MYH14: variants seen among roughly 807,000 people sequenced by gnomAD.
MYH14 encodes the protein myosin heavy chain 14, also known as myosin-14.
MYH14 carries 123 observed loss-of-function variants against 255.5 expected under a neutral mutation model. The observed-to-expected ratio is 0.48, with a 90% CI of 0.42 to 0.56. The LOEUF is 0.56. Among genes scored for constraint, MYH14 ranks in the 20% least tolerant of loss-of-function variants. The probability of loss-of-function intolerance (pLI) is 0.00; values close to 1 mark genes in which losing one functional copy is unlikely to be tolerated. For synonymous variants in MYH14, 1,095 were observed against 1,161.2 expected, an observed-to-expected ratio of 0.94 and a Z score of 1.16; for missense variants, 2,423 against 2,802.3, an observed-to-expected ratio of 0.86 and a Z score of 3.06.
intron 40 of MYH14, among the ~76,000 whole-genome samples, chr19:50,302,834 G>A (rs576715887): frequency 1.7e-4 from 26 of 152,124 alleles, no homozygotes; most frequent in East Asian, 5.8e-4. Context: ...CCCAGGAGGC[G>A]GAGGTTGTGG....
chr19:50,277,293 C>T (rs968678379), intron 29 of MYH14, among the ~76,000 whole-genome samples: 1 of 152,076 alleles, frequency 6.6e-6, no homozygotes, highest in Admixed American at 6.6e-5. Context: ...TGGAGGTATT[C>T]TGCGAGAAGG....
At chr19:50,257,584 C>A in intron 18 of MYH14, 98 bp downstream of exon 18, 1 of 1,240,074 alleles carries the variant, frequency 8.1e-7, no homozygotes, top group Non-Finnish European at 1.2e-6. Context: ...CGAGGACCCT[C>A]AAATTAGCTG....
At chr19:50,302,595 A>G (rs981090340) in intron 40 of MYH14, among the ~76,000 whole-genome samples, 3 of 148,522 alleles carry the variant, frequency 2.0e-5, no homozygotes, top group Admixed American at 6.8e-5. Flanking sequence ...AAAAAAAAAG[A>G]AAGAAAAAAA....
chr19:50,291,005 G>C lies in MYH14; in HGVS notation c.5084G>C (p.Gly1695Ala). The C allele has an allele frequency of 6.2e-7, 1 of 1,612,464 alleles. No homozygotes were observed. Among genetic ancestry groups the C allele is most frequent in the African/African-American group, 1.3e-5 (1 of 75,054 alleles). Residue 1695 changes from glycine to alanine, a missense_variant, in exon 36 of 43, where the codon GGC (glycine) becomes GCC (alanine). By Grantham distance (60) the Gly-to-Ala change is moderately conservative (BLOSUM62 0). Coordinates refer to ENST00000642316, the MANE Select transcript of MYH14 (RefSeq NM_001145809.2). ...CTGAAGGCTCAGATGGCCTCTGCCG[G>C]CCAGGGCAAGGAGGAGGCGGTGAAG... ...EELKAQMASA[G>A]QGKEEAVKQL...
intron 16 of MYH14, among the ~76,000 whole-genome samples, chr19:50,253,050 T>A (rs531782379): frequency 1.3e-5 from 2 of 152,346 alleles, no homozygotes; most frequent in African/African-American, 4.8e-5. Flanking sequence ...ATCGTTTTTT[T>A]AGCAATACTA....
chr19:50,289,365 C>A, intron 34 of MYH14, 71 bp from the exon 35 acceptor site: 2 of 1,269,946 alleles, frequency 1.6e-6, no homozygotes, highest in Non-Finnish European at 1.1e-6. Flanking sequence ...AAATCTTCCC[C>A]TACTCTAGCT....
At position 50,232,009 on chromosome 19, in the gene MYH14, A is replaced by G. The variant is rs1302462210; in HGVS notation, c.1053A>G (p.Glu351=). 2 of 1,613,746 alleles carry G rather than the reference A, an allele frequency of 1.2e-6. No individual in the cohort carries two copies. The highest frequency in any genetic ancestry group is 3.3e-4 in the Middle Eastern group (2 of 6,062). Residue 351 remains glutamate (E), a synonymous_variant, in exon 10 of 43, where the codon GAA becomes GAG. Transcript: ENST00000642316. ...CATCCTCTCCCGGCCAGGAGCGGGAACTCTTCCAGGAGACGCTGGAGTCGC... is the reference window on the plus strand; with the variant it reads ...CATCCTCTCCCGGCCAGGAGCGGGAGCTCTTCCAGGAGACGCTGGAGTCGC... ...GPSSSPGQER[E]LFQETLESLR...
intron 40 of MYH14, among the ~76,000 whole-genome samples, chr19:50,303,022 C>A (rs1196290515): frequency 6.6e-6 from 1 of 152,196 alleles, no homozygotes; most frequent in Non-Finnish European, 1.5e-5. Context: ...CAAGTAACTG[C>A]AGTCTCACTA....
At chr19:50,303,135 A>G (rs2161377) in intron 40 of MYH14, among the ~76,000 whole-genome samples, 79,824 of 151,988 alleles carry the variant, frequency 0.53, 21,269 homozygotes, top group Admixed American at 0.58. Context: ...ATTGCTTATG[A>G]GTCTTTGGCT....
intron 10 of MYH14, among the ~76,000 whole-genome samples, chr19:50,234,311 T>A (rs1422345317): frequency 6.6e-6 from 1 of 152,194 alleles, no homozygotes; most frequent in East Asian, 1.9e-4. Context: ...CTGCGTAATG[T>A]TTCATTGTTT....
chr19:50,298,053 G>T (rs1266313521), intron 39 of MYH14, among the ~76,000 whole-genome samples: 1 of 152,140 alleles, frequency 6.6e-6, no homozygotes, highest in African/African-American at 2.4e-5. Flanking sequence ...CACATGTTCA[G>T]CTTCCAGAAG....
At position 50,268,160 on chromosome 19, in the gene MYH14, G is replaced by T. The variant is rs1186035307; in HGVS notation, c.2827-1G>T. On this transcript the variant is annotated splice_acceptor_variant, in intron 23 of 42. Transcript: ENST00000642316. LOFTEE classifies it high-confidence loss of function. ...CCACTAACCTCCCACACACTCCCCA[G>T]CTGGAAGAGGAGCGCGCCCGCCTGG... 1 of 1,543,316 alleles carries T rather than the reference G, an allele frequency of 6.5e-7. No individual in the cohort carries two copies.
intron 8 of MYH14, 36 bp downstream of exon 8, chr19:50,227,002 G>T (rs778740501): frequency 6.2e-7 from 1 of 1,607,866 alleles, no homozygotes; most frequent in Non-Finnish European, 8.5e-7. Flanking sequence ...GGCAGCCAAG[G>T]GGGGCAGCCT....
intron 21 of MYH14, among the ~76,000 whole-genome samples, chr19:50,262,463 G>T (rs1327434046): frequency 6.6e-6 from 1 of 151,836 alleles, no homozygotes; most frequent in African/African-American, 2.4e-5. Context: ...GCTTGAACTC[G>T]GGAAGCAGAG....
chr19:50,279,446 C>T (rs916132559), intron 30 of MYH14, among the ~76,000 whole-genome samples: 6 of 152,126 alleles, frequency 3.9e-5, no homozygotes, highest in Admixed American at 3.3e-4. Context: ...GCTGCCTGAC[C>T]AACATGGTGA....
chr19:50,309,788 T>C lies in MYH14; in HGVS notation c.6109T>C (p.Ter2037ArgextTer59). The C allele has an allele frequency of 6.9e-7, 1 of 1,444,410 alleles. No individual in the cohort carries two copies. The highest frequency in any genetic ancestry group is 9.4e-7 in the Non-Finnish European group (1 of 1,060,490). 89.5% of individuals were successfully genotyped at this position (1,444,410 alleles called of 1,614,324 possible). ...PEGSPPAHPQ[*>R] The stretch of plus-strand genomic sequence containing the variant: ...GGGGTCCCCACCAGCCCACCCCCAG[T>C]GACCCTACCCTGTCCCCAGATGCAC... Residue 2037 changes from the stop codon to arginine, a stop_lost, in exon 43 of 43, where the codon TGA becomes CGA. Coordinates refer to ENST00000642316, the MANE Select transcript of MYH14 (RefSeq NM_001145809.2).
rs1403334258 is a variant in MYH14 at position 50,289,634 on chromosome 19, C to A, written c.4951C>A (p.Gln1651Lys). 3 of 1,608,468 alleles carry A rather than the reference C, an allele frequency of 1.9e-6. No individual in the cohort carries two copies. The highest frequency in any genetic ancestry group is 2.5e-6 in the Non-Finnish European group (3 of 1,178,182). Reference sequence around the variant, plus strand: ...TGAGGCTGGTGAAGAGAGGCGGAGGCAGCTGGCCAAGCAGGTATTGTCACA... The same window carrying A: ...TGAGGCTGGTGAAGAGAGGCGGAGGAAGCTGGCCAAGCAGGTATTGTCACA... Reference protein sequence around the residue: ...RDEAGEERRRQLAKQLRDAEV... With the variant: ...RDEAGEERRRKLAKQLRDAEV... Residue 1651 changes from glutamine (Q) to lysine (K), a missense_variant, in exon 35 of 43, where the codon CAG (glutamine) becomes AAG (lysine). By Grantham distance (53) the Gln-to-Lys change is moderately conservative. Coordinates refer to ENST00000642316, the MANE Select transcript of MYH14 (RefSeq NM_001145809.2).
Position 50,226,911 on chromosome 19 carries a change from C to G in MYH14, c.819C>G (p.Phe273Leu), listed in dbSNP as rs568322917. The change falls in exon 8 of 43, where the codon TTC (phenylalanine) becomes TTG (leucine). Residue 273 changes from phenylalanine to leucine, a missense_variant. Coordinates refer to ENST00000642316, the MANE Select transcript of MYH14 (RefSeq NM_001145809.2). ...KNDNSSRFGK[F>L]IRINFDVAGY... The stretch of plus-strand genomic sequence containing the variant: ...ACTTTGGTCTCTCCCAGGGCAAATT[C>G]ATCCGCATCAACTTTGATGTTGCCG... 6.8e-6 allele frequency: 11 copies of G among 1,613,814 alleles called. No individual in the cohort carries two copies. The South Asian group carries it at 1.2e-4, about 18-fold the overall frequency.
At position 50,293,353 on chromosome 19, in the gene MYH14, A is replaced by G. The variant is rs1299985501; in HGVS notation, c.5345+32A>G. On this transcript the variant is annotated intron_variant, in intron 38 of 42. Transcript: ENST00000642316. The surrounding 1 kb of genome is among the most constrained non-coding windows in gnomAD (Gnocchi z 4.1). The stretch of plus-strand genomic sequence containing the variant: ...GCCCCAAGGGTCTGAAGGCTGAGGT[A>G]CTGCGTCTGCAGGAGGTGAAGCTGG... The G allele has an allele frequency of 6.4e-7, 1 of 1,561,892 alleles. No individual in the cohort carries two copies. Among genetic ancestry groups the G allele is most frequent in the East Asian group, 2.3e-5 (1 of 43,094 alleles).
Sources: gnomAD v4.1 joint callset for allele counts (sites outside exome capture counted in the v4.1 genomes callset) on GRCh38, gnomAD v4.1.1 for gene constraint, Gnocchi (gnomAD v3.1) non-coding constraint, MANE v1.5 for transcripts, NCBI Gene and HGNC (gene_info 2026-07-23, HGNC 2026-07-21) for gene names.